Variants in NCAM2 observed in about 807,000 individuals in gnomAD.
NCAM2 encodes the protein neural cell adhesion molecule 2, also known as N-CAM-2.
In NCAM2, 30 loss-of-function variants were observed where a neutral mutation model predicts 98.1. The observed-to-expected ratio is 0.31, with a 90% CI of 0.23 to 0.41. The LOEUF is 0.41. NCAM2 is among the 10% of genes least tolerant of loss of function. The probability of loss-of-function intolerance (pLI) is 1.00; values close to 1 mark genes in which losing one functional copy is unlikely to be tolerated. For synonymous variants in NCAM2, 368 were observed against 342.4 expected, an observed-to-expected ratio of 1.07 and a Z score of -0.83; for missense variants, 867 against 1,005.8, an observed-to-expected ratio of 0.86 and a Z score of 1.87.
intron 1 of NCAM2, among the ~76,000 whole-genome samples, chr21:21,017,793 A>C (rs1191288269): frequency 1.3e-5 from 2 of 152,122 alleles, no homozygotes; most frequent in Non-Finnish European, 2.9e-5. Flanking sequence ...CAAATCTATA[A>C]AATTTTATGT....
intron 1 of NCAM2, among the ~76,000 whole-genome samples, chr21:21,176,252 C>T (rs1366780893): frequency 6.6e-6 from 1 of 152,058 alleles, no homozygotes; most frequent in African/African-American, 2.4e-5. Flanking sequence ...ATCAATCATA[C>T]ATTATAAGCC....
At chr21:21,508,663 A>G (rs1217033802) in intron 15 of NCAM2, among the ~76,000 whole-genome samples, 188 bp from the exon 16 acceptor site, 1 of 152,000 alleles carries the variant, frequency 6.6e-6, no homozygotes, top group Non-Finnish European at 1.5e-5. Context: ...GTTTGAAACC[A>G]GGGAATAGGC....
At chr21:21,204,691 T>G (rs1601639513) in intron 1 of NCAM2, among the ~76,000 whole-genome samples, 1 of 152,112 alleles carries the variant, frequency 6.6e-6, no homozygotes, top group African/African-American at 2.4e-5. Flanking sequence ...TGAAAGAACC[T>G]TTATCAGACT....
At chr21:21,288,703 C>T (rs930348424) in intron 4 of NCAM2, among the ~76,000 whole-genome samples, 1 of 151,574 alleles carries the variant, frequency 6.6e-6, no homozygotes, top group African/African-American at 2.4e-5. Flanking sequence ...CTCATATAGT[C>T]CTTTATTAAA....
chr21:21,263,887 C>G (rs1420551196), intron 1 of NCAM2, among the ~76,000 whole-genome samples: 1 of 151,888 alleles, frequency 6.6e-6, no homozygotes, highest in Non-Finnish European at 1.5e-5. Context: ...AATATAAAGT[C>G]CAAAAACATA....
intron 1 of NCAM2, among the ~76,000 whole-genome samples, chr21:21,216,313 G>T (rs2069897836): frequency 2.0e-5 from 3 of 152,124 alleles, no homozygotes; most frequent in Admixed American, 2.0e-4. Flanking sequence ...GTGGGGGAAG[G>T]GTGGATTAAA....
intron 6 of NCAM2, 148 bp downstream of exon 6, chr21:21,324,648 G>A (rs561168381): frequency 9.8e-6 from 6 of 613,428 alleles, no homozygotes; most frequent in Admixed American, 2.7e-5. Context: ...TGGGGCTTAC[G>A]GTGGTTAGAT....
chr21:21,123,503 T>C (rs557008504), intron 1 of NCAM2, among the ~76,000 whole-genome samples: 26 of 152,294 alleles, frequency 1.7e-4, no homozygotes, highest in African/African-American at 5.1e-4. Flanking sequence ...ATTATCTACC[T>C]TTCCTCAGTC....
intron 5 of NCAM2, among the ~76,000 whole-genome samples, chr21:21,311,108 A>C (rs2074035991): frequency 6.6e-6 from 1 of 152,222 alleles, no homozygotes. Flanking sequence ...CAATTTGTCT[A>C]CACAAACATA....
chr21:21,532,700 G>A (rs1288384042), intron 16 of NCAM2, among the ~76,000 whole-genome samples: 2 of 152,040 alleles, frequency 1.3e-5, no homozygotes, highest in Admixed American at 6.6e-5. Context: ...TCCACAAATA[G>A]TATACTCCTG....
intron 1 of NCAM2, among the ~76,000 whole-genome samples, chr21:21,019,642 ATTAT>A (rs1384149921): frequency 1.3e-5 from 2 of 152,062 alleles, no homozygotes; most frequent in Admixed American, 1.3e-4. Context: ...TATTTTTTTT[ATTAT>A]TTATTTTCCA....
chr21:21,202,716 C>T (rs1243700880), intron 1 of NCAM2, among the ~76,000 whole-genome samples: 1 of 152,014 alleles, frequency 6.6e-6, no homozygotes, highest in Non-Finnish European at 1.5e-5. Flanking sequence ...GTGCCGGGCC[C>T]ATGCTTTGTT....
chr21:21,385,678 A>C lies in NCAM2; in HGVS notation c.1195+11665A>C, dbSNP rs1038659376. 18 of 1,284,004 alleles carry C rather than the reference A, an allele frequency of 1.4e-5. No individual in the cohort carries two copies. The South Asian group carries it at 2.2e-4, about 16-fold the overall frequency. The allele number at this position is 1,284,004 out of a possible 1,614,324, so 79.5% of individuals were successfully genotyped here. On this transcript the variant is annotated intron_variant, in intron 9 of 17. Coordinates refer to ENST00000400546, the MANE Select transcript of NCAM2 (RefSeq NM_004540.5). ...GGCGTTACTTTACTAAGAAGCAGGA[A>C]TTGAACTAAACTTCCAATTTCTAAA...
At chr21:21,355,034 T>C (rs13048251) in intron 8 of NCAM2, among the ~76,000 whole-genome samples, 26,444 of 152,166 alleles carry the variant, frequency 0.17, 2,711 homozygotes, top group East Asian at 0.28. Flanking sequence ...AAATGTGTCT[T>C]TCTGTGTTAA....
At chr21:21,479,608 A>AAAAAAT (rs1491473437) in intron 15 of NCAM2, among the ~76,000 whole-genome samples, 3 of 127,998 alleles carry the variant, frequency 2.3e-5, no homozygotes, top group African/African-American at 8.3e-5. Context: ...AAAAAAAAAA[A>AAAAAAT]TTGTTGATGA....
At chr21:21,335,438 A>C (rs1453190716) in intron 6 of NCAM2, 67 bp from the exon 7 acceptor site, 1 of 1,367,660 alleles carries the variant, frequency 7.3e-7, no homozygotes, top group Admixed American at 2.5e-5. Flanking sequence ...TAGATTAAAA[A>C]GTTGATTAAA....
intron 1 of NCAM2, among the ~76,000 whole-genome samples, chr21:21,182,176 T>A (rs2068499444): frequency 6.6e-6 from 1 of 152,148 alleles, no homozygotes; most frequent in South Asian, 2.1e-4. Context: ...GCATTAAAAT[T>A]AATGAAATAT....
intron 15 of NCAM2, among the ~76,000 whole-genome samples, chr21:21,499,546 C>T (rs1054401758): frequency 6.6e-6 from 1 of 151,706 alleles, no homozygotes; most frequent in African/African-American, 2.4e-5. Context: ...TGGCCAATAA[C>T]AATAAATTTT....
At chr21:21,319,301 C>T (rs904590164) in intron 5 of NCAM2, among the ~76,000 whole-genome samples, 1 of 152,044 alleles carries the variant, frequency 6.6e-6, no homozygotes, top group Non-Finnish European at 1.5e-5. Context: ...GAGGGAGTTC[C>T]TAGAATCAAT....
Sources: gnomAD v4.1 joint callset for allele counts (sites outside exome capture counted in the v4.1 genomes callset) on GRCh38, gnomAD v4.1.1 for gene constraint, MANE v1.5 for transcripts, NCBI Gene and HGNC (gene_info 2026-07-23, HGNC 2026-07-21) for gene names.